CDH13: variants seen among roughly 807,000 people sequenced by gnomAD.
The protein encoded by CDH13 is cadherin-13.
Under a neutral mutation model 63.8 loss-of-function variants are expected in CDH13, and 24 were observed. The observed-to-expected ratio is 0.38, with a 90% CI of 0.27 to 0.53. The LOEUF is 0.53. Ranked by LOEUF, CDH13 falls within the 20% of genes least tolerant of loss-of-function variation. The probability of loss-of-function intolerance (pLI) is 0.85; values close to 1 mark genes in which losing one functional copy is unlikely to be tolerated. For synonymous variants in CDH13, 503 were observed against 355.3 expected, an observed-to-expected ratio of 1.42 and a Z score of -4.67; for missense variants, 1,049 against 903.1, an observed-to-expected ratio of 1.16 and a Z score of -2.07.
At chr16:83,238,468 G>T (rs1387621951) in intron 5 of CDH13, among the ~76,000 whole-genome samples, 1 of 152,168 alleles carries the variant, frequency 6.6e-6, no homozygotes, top group Non-Finnish European at 1.5e-5. Context: ...CATGACATGG[G>T]GGGATTGTGG....
chr16:83,054,493 G>A (rs532338750), intron 3 of CDH13, among the ~76,000 whole-genome samples: 100 of 152,270 alleles, frequency 6.6e-4, no homozygotes, highest in African/African-American at 2.1e-3. Flanking sequence ...TGGATACACC[G>A]GACAAAGCCA....
At chr16:83,155,866 A>G (rs988047270) in intron 4 of CDH13, among the ~76,000 whole-genome samples, 1 of 152,202 alleles carries the variant, frequency 6.6e-6, no homozygotes, top group Non-Finnish European at 1.5e-5. Flanking sequence ...GCATTTTAGA[A>G]TCACTTGAGC....
At chr16:83,766,751 C>T (rs1041682819) in intron 11 of CDH13, among the ~76,000 whole-genome samples, 2 of 151,682 alleles carry the variant, frequency 1.3e-5, no homozygotes, top group Non-Finnish European at 2.9e-5. Flanking sequence ...CCCAGAATCT[C>T]TTCTTAATTG....
intron 2 of CDH13, among the ~76,000 whole-genome samples, chr16:82,876,811 C>G (rs1362380883): frequency 1.3e-5 from 2 of 152,114 alleles, no homozygotes; most frequent in Non-Finnish European, 2.9e-5. Context: ...TGTAAACAAA[C>G]AAAAATCAGA....
intron 8 of CDH13, among the ~76,000 whole-genome samples, chr16:83,624,974 C>A (rs1481950939): frequency 6.6e-6 from 1 of 152,156 alleles, no homozygotes; most frequent in Admixed American, 6.5e-5. Flanking sequence ...GCATGTCTTG[C>A]CGGTTCTGCA....
intron 5 of CDH13, among the ~76,000 whole-genome samples, chr16:83,258,088 C>G (rs1450471920): frequency 6.6e-6 from 1 of 152,082 alleles, no homozygotes; most frequent in East Asian, 1.9e-4. Context: ...TAAACTGAGT[C>G]TTTATAAGCA....
chr16:83,014,866 A>ATG (rs1350335198), intron 2 of CDH13, among the ~76,000 whole-genome samples: 3,032 of 122,430 alleles, frequency 0.025, 83 homozygotes, highest in Non-Finnish European at 0.036. Flanking sequence ...GTATATATAT[A>ATG]TGTATATATA....
intron 1 of CDH13, among the ~76,000 whole-genome samples, chr16:82,736,793 A>G (rs1026953040): frequency 6.6e-6 from 1 of 152,168 alleles, no homozygotes; most frequent in Non-Finnish European, 1.5e-5. Flanking sequence ...TTGATCTGCT[A>G]TCTTTTCCCA....
chr16:83,434,284 G>C (rs935148683), intron 6 of CDH13, among the ~76,000 whole-genome samples: 4 of 152,176 alleles, frequency 2.6e-5, no homozygotes, highest in African/African-American at 4.8e-5. Flanking sequence ...GGAATTTTGA[G>C]ACCTGCGTTC....
intron 4 of CDH13, among the ~76,000 whole-genome samples, chr16:83,143,154 C>G (rs1366656816): frequency 6.6e-6 from 1 of 152,052 alleles, no homozygotes; most frequent in Non-Finnish European, 1.5e-5. Context: ...CATCTCTACC[C>G]CTATCTTACA....
At chr16:82,697,577 C>T (rs980421784) in intron 1 of CDH13, among the ~76,000 whole-genome samples, 10 of 151,590 alleles carry the variant, frequency 6.6e-5, no homozygotes, top group African/African-American at 1.5e-4. Flanking sequence ...TACAGGTGCC[C>T]GCCACTATGC....
chr16:83,649,113 C>T (rs951902685), intron 8 of CDH13, among the ~76,000 whole-genome samples: 1 of 152,202 alleles, frequency 6.6e-6, no homozygotes, highest in African/African-American at 2.4e-5. Flanking sequence ...GTCCAGCCTC[C>T]TCGCCCCCCA....
chr16:82,992,281 C>G (rs867414744), intron 2 of CDH13, among the ~76,000 whole-genome samples: 1 of 152,134 alleles, frequency 6.6e-6, no homozygotes, highest in Non-Finnish European at 1.5e-5. Flanking sequence ...ATCAGCAGCT[C>G]TCAAATTTTC....
At chr16:83,631,757 C>A (rs1039094652) in intron 8 of CDH13, among the ~76,000 whole-genome samples, 6 of 152,156 alleles carry the variant, frequency 3.9e-5, no homozygotes, top group African/African-American at 1.4e-4. Context: ...AGTCTGTCTG[C>A]CTGTGTTGTC....
chr16:83,166,424 C>T (rs751682387), intron 4 of CDH13, among the ~76,000 whole-genome samples: 1 of 152,090 alleles, frequency 6.6e-6, no homozygotes, highest in Non-Finnish European at 1.5e-5. Flanking sequence ...CAGCACATCT[C>T]CAAAGCCATC....
intron 2 of CDH13, among the ~76,000 whole-genome samples, chr16:82,993,489 C>T (rs530049753): frequency 6.6e-6 from 1 of 152,326 alleles, no homozygotes; most frequent in South Asian, 2.1e-4. Context: ...TGATCTTTGA[C>T]TTCCTCGCCA....
intron 5 of CDH13, among the ~76,000 whole-genome samples, chr16:83,284,860 G>C (rs1234841586): frequency 6.6e-6 from 1 of 152,046 alleles, no homozygotes; most frequent in Non-Finnish European, 1.5e-5. Context: ...AGGAAACAAA[G>C]ACCCAAGTTT....
intron 5 of CDH13, among the ~76,000 whole-genome samples, chr16:83,254,112 G>A (rs911195194): frequency 6.6e-6 from 1 of 152,154 alleles, no homozygotes; most frequent in Admixed American, 6.5e-5. Context: ...ATAACACTCC[G>A]AAGTGTGGTA....
chr16:83,563,673 A>G (rs933719371), intron 7 of CDH13, among the ~76,000 whole-genome samples: 1 of 152,144 alleles, frequency 6.6e-6, no homozygotes, highest in Non-Finnish European at 1.5e-5. Context: ...GCGTGTGTGT[A>G]TGTGTGTGTT....
Sources: allele counts gnomAD v4.1 joint callset (sites outside exome capture counted in the v4.1 genomes callset), GRCh38; gene constraint gnomAD v4.1.1; transcripts MANE v1.5; gene names NCBI Gene and HGNC (gene_info 2026-07-23, HGNC 2026-07-21).